The following INSC variants were observed in gnomAD, a reference collection of about 807,000 sequenced individuals.
INSC encodes INSC spindle orientation adaptor protein.
A neutral mutation model predicts 58.6 loss-of-function variants in INSC; 67 were observed. The observed-to-expected ratio is 1.14, with a 90% CI of 0.94 to 1.40. The LOEUF is 1.40. Among genes scored for constraint, INSC ranks in the 40% most tolerant of loss-of-function variants. The pLI is 0.00. For synonymous variants in INSC, 262 were observed against 276.1 expected (o/e 0.95, Z 0.51); for missense variants, 714 against 692.0 (o/e 1.03, Z -0.36).
chr11:15,176,793 G>A (rs959988744), intron 3 of INSC, among the ~76,000 whole-genome samples: 1 of 151,860 alleles, frequency 6.6e-6, no homozygotes, highest in Non-Finnish European at 1.5e-5. Flanking sequence ...CCTTTGCCTC[G>A]AACTTTTCCT....
the INSC span, among the ~76,000 whole-genome samples, chr11:15,267,507 A>G: frequency 2.0e-5 from 3 of 151,654 alleles, no homozygotes; most frequent in African/African-American, 7.3e-5. Context: ...TTTCTACTGG[A>G]CTATCTAGTC....
chr11:15,212,334 A>G (rs565646700), intron 7 of INSC, among the ~76,000 whole-genome samples: 2 of 152,080 alleles, frequency 1.3e-5, no homozygotes, highest in East Asian at 3.9e-4. Context: ...TCCTGACCTC[A>G]GGTGATCCGC....
intron 6 of INSC, 74 bp from the exon 7 acceptor site, chr11:15,200,750 A>C: frequency 3.1e-6 from 5 of 1,597,092 alleles, no homozygotes; most frequent in Non-Finnish European, 2.6e-6. Context: ...CGAATCAGGG[A>C]TGTCACTTAT....
In INSC at chr11:15,178,232, G is replaced by T. The variant is rs7103565; in HGVS notation, c.456-92G>T. The T allele has an allele frequency of 2.8e-3, 4,214 of 1,528,646 alleles. 103 individuals are homozygous for T. In the African/African-American group the frequency reaches 0.05, roughly 18 times the overall value. The allele number at this position is 1,528,646 out of a possible 1,614,324, so 94.7% of individuals were successfully genotyped here. A position where few individuals can be genotyped will look rare whatever the true frequency, so the allele number is the denominator to read the frequency against. On this transcript the variant is annotated intron_variant, in intron 4 of 12. Transcript: ENST00000379556. ...TGCCAATGTCTTCAGCACACACCAG[G>T]CTTGTAGCAGGTCCAGTTCTGGCCC...
chr11:15,162,619 C>G (rs1457803247), intron 2 of INSC, among the ~76,000 whole-genome samples: 1 of 152,170 alleles, frequency 6.6e-6, no homozygotes, highest in Non-Finnish European at 1.5e-5. Flanking sequence ...ATGATGTACT[C>G]TCCACAGGGG....
At chr11:15,150,902 T>C (rs996649024) in intron 2 of INSC, among the ~76,000 whole-genome samples, 1 of 152,246 alleles carries the variant, frequency 6.6e-6, no homozygotes, top group Admixed American at 6.5e-5. Context: ...GTTCACTTCC[T>C]ACCAGCTCTG....
At position 15,211,629 on chromosome 11, in the gene INSC, TCTC is replaced by T. The variant is rs766560174; in HGVS notation, c.820-9845_820-9843del. 3.3e-5 allele frequency among the ~76,000 whole-genome samples: 5 copies of T among 152,286 alleles called. No individual in the cohort carries two copies. In the South Asian group the frequency reaches 8.3e-4, roughly 25 times the overall value. On this transcript the variant is annotated intron_variant, in intron 7 of 12. Transcript: ENST00000379556. Reference sequence around the variant, plus strand: ...GATTTTTCCAAAATTATGAAAATATTCTCCTAATTTTCTTCTAGGAGCTTTATT... The same window carrying T: ...GATTTTTCCAAAATTATGAAAATATTCTAATTTTCTTCTAGGAGCTTTATT...
intron 2 of INSC, among the ~76,000 whole-genome samples, chr11:15,155,605 G>C (rs559816352): frequency 6.6e-6 from 1 of 152,148 alleles, no homozygotes; most frequent in South Asian, 2.1e-4. Flanking sequence ...GGCCCATTTG[G>C]GGTGCTTAGT....
At chr11:15,171,811 T>C (rs1333128276) in intron 2 of INSC, among the ~76,000 whole-genome samples, 1 of 152,246 alleles carries the variant, frequency 6.6e-6, no homozygotes, top group East Asian at 1.9e-4. Context: ...AAGTTGCCAT[T>C]GTTAACATGT....
chr11:15,189,653 T>C (rs548623128), intron 5 of INSC, among the ~76,000 whole-genome samples: 1 of 152,322 alleles, frequency 6.6e-6, no homozygotes, highest in Admixed American at 6.5e-5. Flanking sequence ...AAATTTCACT[T>C]TAATGTTTTA....
At chr11:15,194,954 C>T (rs1257902555) in intron 6 of INSC, among the ~76,000 whole-genome samples, 2 of 152,186 alleles carry the variant, frequency 1.3e-5, no homozygotes, top group Non-Finnish European at 2.9e-5. Flanking sequence ...CTTAATTGGT[C>T]TGGAGTAGGT....
At chr11:15,173,605 T>A (rs954652234) in intron 2 of INSC, among the ~76,000 whole-genome samples, 12 of 152,286 alleles carry the variant, frequency 7.9e-5, no homozygotes, top group Middle Eastern at 3.4e-3. Flanking sequence ...TGTGTGTCTG[T>A]ATACATATAC....
chr11:15,149,756 C>T (rs1179662853), intron 2 of INSC, among the ~76,000 whole-genome samples: 1 of 152,136 alleles, frequency 6.6e-6, no homozygotes, highest in East Asian at 1.9e-4. Context: ...ACACTTGGGG[C>T]CACCAGAGGT....
At chr11:15,154,069 T>TG (rs67609427) in intron 2 of INSC, among the ~76,000 whole-genome samples, 55,554 of 152,128 alleles carry the variant, frequency 0.37, 10,436 homozygotes, top group Middle Eastern at 0.41. Flanking sequence ...GAGCCAAGCC[T>TG]GGGGTAGGCC....
chr11:15,203,792 TGCCTTGTATG>T (rs1434565323), intron 7 of INSC, among the ~76,000 whole-genome samples: 1 of 151,676 alleles, frequency 6.6e-6, no homozygotes, highest in Non-Finnish European at 1.5e-5. Flanking sequence ...GCCTGCTGTC[TGCCTTGTATG>T]GCCCATGAGC....
intron 11 of INSC, 100 bp from the exon 12 acceptor site, chr11:15,240,347 T>A: frequency 9.8e-7 from 1 of 1,020,044 alleles, no homozygotes; most frequent in Non-Finnish European, 1.5e-6. Context: ...TTCAGTCCCC[T>A]TCTCTGGCAG....
At chr11:15,239,095 G>A (rs1387470991) in intron 11 of INSC, 21 bp downstream of exon 11, 1 of 1,600,322 alleles carries the variant, frequency 6.2e-7, no homozygotes, top group Middle Eastern at 1.9e-4. Flanking sequence ...CTTTCTGGCT[G>A]TGGCTGGAGT....
chr11:15,238,173 T>A (rs1481834870), intron 10 of INSC, among the ~76,000 whole-genome samples: 2 of 152,056 alleles, frequency 1.3e-5, no homozygotes, highest in Non-Finnish European at 2.9e-5. Context: ...CAAGGAGGTA[T>A]GAGCGGACAT....
intron 7 of INSC, among the ~76,000 whole-genome samples, chr11:15,213,592 A>C (rs1286757823): frequency 6.6e-6 from 1 of 152,188 alleles, no homozygotes; most frequent in Non-Finnish European, 1.5e-5. Flanking sequence ...CATCTGCCTA[A>C]CAGGGAAATT....
Sources: allele counts gnomAD v4.1 joint callset (sites outside exome capture counted in the v4.1 genomes callset), GRCh38; gene constraint gnomAD v4.1.1; transcripts MANE v1.5; gene names NCBI Gene and HGNC (gene_info 2026-07-23, HGNC 2026-07-21).